The following SLC35F4 variants were observed in gnomAD, a reference collection of about 807,000 sequenced individuals.
SLC35F4 encodes chromosome 14 open reading frame 36.
A neutral mutation model predicts 44.2 loss-of-function variants in SLC35F4; 24 were observed. The observed-to-expected ratio is 0.54, with a 90% CI of 0.39 to 0.76. The LOEUF (loss-of-function observed/expected upper bound fraction) is 0.76. SLC35F4 is among the 30% of genes least tolerant of loss of function. The pLI is 0.00. For synonymous variants in SLC35F4, 238 were observed against 223.6 expected (o/e 1.06, Z -0.57); for missense variants, 562 against 586.1 (o/e 0.96, Z 0.42).
downstream of SLC35F4, among the ~76,000 whole-genome samples, chr14:57,972,195 A>G (rs766491861): frequency 7.2e-5 from 11 of 152,222 alleles, no homozygotes; most frequent in Non-Finnish European, 1.5e-4. Context: ...AAGCCAGGCC[A>G]TGGCGCCTTG....
chr14:57,973,163 C>T (rs1881102721), downstream of SLC35F4, among the ~76,000 whole-genome samples: 1 of 152,208 alleles, frequency 6.6e-6, no homozygotes, highest in Non-Finnish European at 1.5e-5. Flanking sequence ...TTGATGCCCA[C>T]AGCTTCTATT....
intron 1 of SLC35F4, among the ~76,000 whole-genome samples, chr14:57,843,993 A>G (rs1305553828): frequency 6.6e-6 from 1 of 152,186 alleles, no homozygotes; most frequent in African/African-American, 2.4e-5. Flanking sequence ...AGCAAATATC[A>G]GCCTCGTGAC....
intron 4 of SLC35F4, among the ~76,000 whole-genome samples, chr14:57,578,328 T>TTTTTTTG (rs2068964820): frequency 2.4e-5 from 1 of 42,496 alleles, no homozygotes; most frequent in South Asian, 9.7e-4. Flanking sequence ...TTTAACTGTT[T>TTTTTTTG]TTTTTTTTTT....
chr14:57,823,911 T>A lies in SLC35F4; in HGVS notation c.103+41812A>T, dbSNP rs145632756. Among the ~76,000 whole-genome samples the A allele has an allele frequency of 1.5e-3, 229 of 152,262 alleles. 7 individuals carry two copies. The East Asian group carries it at 0.04, about 26-fold the overall frequency. ...TCAGATGAATAATGCATTAAACATA[T>A]CATTAACAACTTTGTTTTCTTGTAC... is the stretch of plus-strand genomic sequence containing the variant. On this transcript the variant is annotated intron_variant, in intron 1 of 7. Coordinates refer to ENST00000556826, the MANE Select transcript of SLC35F4 (RefSeq NM_001306087.2).
At chr14:57,565,337 C>G (rs1464730331) in intron 7 of SLC35F4, among the ~76,000 whole-genome samples, 1 of 152,250 alleles carries the variant, frequency 6.6e-6, no homozygotes, top group African/African-American at 2.4e-5. Context: ...AGCTAAACCT[C>G]TCCTTAGATC....
At chr14:57,958,137 A>G (rs899709249) in intron 1 of SLC35F4, among the ~76,000 whole-genome samples, 3 of 151,614 alleles carry the variant, frequency 2.0e-5, no homozygotes, top group Non-Finnish European at 4.4e-5. Context: ...AGCTCACCGC[A>G]AGCTCTGCCT....
At chr14:57,624,637 A>G (rs2072377422) in intron 1 of SLC35F4, among the ~76,000 whole-genome samples, 2 of 152,204 alleles carry the variant, frequency 1.3e-5, no homozygotes, top group Admixed American at 6.5e-5. Flanking sequence ...CTGGGATGCA[A>G]GATTGGTTCA....
chr14:57,854,960 A>T (rs143922682), intron 1 of SLC35F4, among the ~76,000 whole-genome samples: 2 of 152,344 alleles, frequency 1.3e-5, no homozygotes, highest in East Asian at 3.9e-4. Flanking sequence ...TAATAACAAC[A>T]ATTTAAAATA....
At chr14:57,764,699 A>ATG (rs1286039522) in intron 1 of SLC35F4, among the ~76,000 whole-genome samples, 1 of 152,206 alleles carries the variant, frequency 6.6e-6, no homozygotes, top group Admixed American at 6.5e-5. Flanking sequence ...ACTGAATTGT[A>ATG]TGTGTGTGTA....
intron 1 of SLC35F4, among the ~76,000 whole-genome samples, chr14:57,846,132 C>T (rs1406630926): frequency 6.6e-6 from 1 of 152,162 alleles, no homozygotes; most frequent in African/African-American, 2.4e-5. Flanking sequence ...CAAGAGATGT[C>T]TTAGACCAAG....
chr14:57,945,228 G>T (rs1391677946), intron 1 of SLC35F4, among the ~76,000 whole-genome samples: 5 of 152,056 alleles, frequency 3.3e-5, no homozygotes, highest in African/African-American at 1.2e-4. Context: ...TTTGCTGAAA[G>T]CCATGCATCC....
At chr14:57,679,745 C>T (rs1278541284) in intron 1 of SLC35F4, among the ~76,000 whole-genome samples, 1 of 152,024 alleles carries the variant, frequency 6.6e-6, no homozygotes, top group Non-Finnish European at 1.5e-5. Flanking sequence ...ACTATAAACA[C>T]CTCTATGCAA....
At chr14:57,671,053 C>G (rs2074503562) in intron 1 of SLC35F4, among the ~76,000 whole-genome samples, 1 of 151,220 alleles carries the variant, frequency 6.6e-6, no homozygotes, top group Admixed American at 6.6e-5. Context: ...TATAGACACA[C>G]ACCACCATGC....
chr14:57,824,664 G>A (rs1883533675), intron 1 of SLC35F4, among the ~76,000 whole-genome samples: 1 of 152,168 alleles, frequency 6.6e-6, no homozygotes, highest in African/African-American at 2.4e-5. Context: ...TCTGGGGGAA[G>A]AGTGTTCCAG....
At chr14:57,892,225 G>A (rs1473223261) in intron 1 of SLC35F4, among the ~76,000 whole-genome samples, 2 of 152,140 alleles carry the variant, frequency 1.3e-5, no homozygotes, top group African/African-American at 4.8e-5. Context: ...GCAGATCATT[G>A]CAATTTCACA....
At chr14:57,722,059 A>G (rs2076098552) in intron 1 of SLC35F4, among the ~76,000 whole-genome samples, 1 of 152,220 alleles carries the variant, frequency 6.6e-6, no homozygotes, top group Non-Finnish European at 1.5e-5. Context: ...ACACTCAAAA[A>G]GAACTGCTTG....
chr14:57,734,494 C>T (rs1340592784), intron 1 of SLC35F4, among the ~76,000 whole-genome samples: 1 of 152,126 alleles, frequency 6.6e-6, no homozygotes, highest in Non-Finnish European at 1.5e-5. Context: ...TGTGGAGTAA[C>T]ATATTACACT....
chr14:57,968,155 G>T (rs1880936988), intron 1 of SLC35F4, among the ~76,000 whole-genome samples: 1 of 152,104 alleles, frequency 6.6e-6, no homozygotes, highest in Non-Finnish European at 1.5e-5. Context: ...TCACAGATCT[G>T]GTTCTAATTA....
intron 1 of SLC35F4, among the ~76,000 whole-genome samples, chr14:57,852,591 A>G (rs1293589123): frequency 6.6e-6 from 1 of 152,206 alleles, no homozygotes; most frequent in Non-Finnish European, 1.5e-5. Context: ...GCAATTTTCA[A>G]AAAGTTCTTA....
Sources: allele counts gnomAD v4.1 joint callset (sites outside exome capture counted in the v4.1 genomes callset), GRCh38; gene constraint gnomAD v4.1.1; transcripts MANE v1.5; gene names NCBI Gene and HGNC (gene_info 2026-07-23, HGNC 2026-07-21).